Variants in TENM2 observed in about 807,000 individuals in gnomAD.
TENM2 encodes teneurin transmembrane protein 2.
In TENM2, 52 loss-of-function variants were observed where a neutral mutation model predicts 245.2. The ratio of observed to expected loss-of-function variants is 0.21; its 90% confidence interval spans 0.17 to 0.27. TENM2 has a LOEUF of 0.27. Among genes scored for constraint, TENM2 ranks in the 10% least tolerant of loss-of-function variants. The probability of loss-of-function intolerance (pLI) is 1.00; values close to 1 mark genes in which losing one functional copy is unlikely to be tolerated. For missense variants in TENM2, 3,046 were observed against 3,666.8 expected (o/e 0.83, Z 4.37); for synonymous variants, 1,363 against 1,438.9 (o/e 0.95, Z 1.19).
At chr5:167,765,852 C>G (rs145549281) in intron 2 of TENM2, among the ~76,000 whole-genome samples, 2 of 152,234 alleles carry the variant, frequency 1.3e-5, no homozygotes, top group Non-Finnish European at 2.9e-5. Context: ...GTGCCTGCTA[C>G]CATATACTCT....
chr5:167,647,891 C>T (rs1453134389), intron 2 of TENM2, among the ~76,000 whole-genome samples: 4 of 152,160 alleles, frequency 2.6e-5, no homozygotes, highest in African/African-American at 9.7e-5. Flanking sequence ...TTATCTCCTA[C>T]GTTCAATCTT....
the TENM2 span, among the ~76,000 whole-genome samples, chr5:167,187,031 C>T: frequency 6.6e-6 from 1 of 152,200 alleles, no homozygotes; most frequent in Non-Finnish European, 1.5e-5. Context: ...TCTTCAGACA[C>T]ACAGTTGTCA....
chr5:167,862,693 C>T (rs573220138), intron 2 of TENM2, among the ~76,000 whole-genome samples: 1 of 152,266 alleles, frequency 6.6e-6, no homozygotes, highest in East Asian at 1.9e-4. Context: ...CCTGCCTCTG[C>T]GGGGCCTGAA....
chr5:167,583,777 C>T (rs1409662776), intron 2 of TENM2, among the ~76,000 whole-genome samples: 1 of 152,166 alleles, frequency 6.6e-6, no homozygotes, highest in Non-Finnish European at 1.5e-5. Context: ...GAGCCTCTAC[C>T]TCTGCTCTCC....
intron 2 of TENM2, among the ~76,000 whole-genome samples, chr5:167,677,664 C>A (rs2609857): frequency 1.3e-4 from 19 of 150,162 alleles, no homozygotes; most frequent in Non-Finnish European, 2.4e-4. Flanking sequence ...GTGGTTTTGG[C>A]GACCATTTAG....
At chr5:167,679,483 A>G (rs1477681233) in intron 2 of TENM2, among the ~76,000 whole-genome samples, 1 of 152,132 alleles carries the variant, frequency 6.6e-6, no homozygotes, top group Non-Finnish European at 1.5e-5. Context: ...TTCACTTTAG[A>G]TTAGGAGTAA....
At chr5:167,181,692 A>C in the TENM2 span, among the ~76,000 whole-genome samples, 3 of 152,292 alleles carry the variant, frequency 2.0e-5, no homozygotes, top group South Asian at 2.1e-4. Context: ...AAAATATTAA[A>C]ATTTTACATG....
chr5:168,140,586 G>A (rs556438423), intron 12 of TENM2, among the ~76,000 whole-genome samples: 7 of 152,276 alleles, frequency 4.6e-5, no homozygotes, highest in African/African-American at 1.4e-4. Context: ...AGCATACCCA[G>A]CCCGGTACAT....
At chr5:167,996,197 G>A (rs1784036282) in intron 5 of TENM2, among the ~76,000 whole-genome samples, 1 of 152,122 alleles carries the variant, frequency 6.6e-6, no homozygotes, top group Admixed American at 6.5e-5. Context: ...AGGCCCGTGG[G>A]CGGGTGTAAA....
intron 2 of TENM2, among the ~76,000 whole-genome samples, chr5:167,479,505 G>A (rs986695040): frequency 7.2e-5 from 11 of 152,010 alleles, no homozygotes; most frequent in Non-Finnish European, 1.3e-4. Flanking sequence ...ACACTGTCAA[G>A]TTTATAGTCT....
chr5:167,427,775 G>T (rs13185808), intron 2 of TENM2, among the ~76,000 whole-genome samples: 1,074 of 46,362 alleles, frequency 0.023, 2 homozygotes, highest in Admixed American at 0.028. Flanking sequence ...GGAAGGACGG[G>T]AAGGAAGGGA....
At chr5:167,691,196 C>T (rs185719771) in intron 2 of TENM2, among the ~76,000 whole-genome samples, 77 of 152,250 alleles carry the variant, frequency 5.1e-4, no homozygotes, top group African/African-American at 1.8e-3. Flanking sequence ...TATATTCTGT[C>T]TCACACACTT....
At chr5:168,173,207 G>A (rs1184047619) in intron 13 of TENM2, among the ~76,000 whole-genome samples, 1 of 152,120 alleles carries the variant, frequency 6.6e-6, no homozygotes, top group African/African-American at 2.4e-5. Flanking sequence ...ATGCAAAAAG[G>A]CTAAACTATA....
At chr5:167,953,795 A>G (rs890001526) in intron 4 of TENM2, among the ~76,000 whole-genome samples, 1 of 152,322 alleles carries the variant, frequency 6.6e-6, no homozygotes, top group Non-Finnish European at 1.5e-5. Flanking sequence ...AATGTTTCTG[A>G]TAATGGCCAG....
At chr5:167,535,234 G>A (rs1771774164) in intron 2 of TENM2, among the ~76,000 whole-genome samples, 1 of 151,916 alleles carries the variant, frequency 6.6e-6, no homozygotes, top group Admixed American at 6.6e-5. Flanking sequence ...TGTAACAGAG[G>A]TAGGAGGTTA....
At chr5:167,550,176 TA>T (rs1180819222) in intron 2 of TENM2, among the ~76,000 whole-genome samples, 2 of 152,218 alleles carry the variant, frequency 1.3e-5, no homozygotes, top group African/African-American at 2.4e-5. Context: ...TGTCACAAGA[TA>T]TTTAATTTCT....
intron 7 of TENM2, among the ~76,000 whole-genome samples, chr5:168,074,544 G>A (rs1791295296): frequency 6.6e-6 from 1 of 152,248 alleles, no homozygotes; most frequent in South Asian, 2.1e-4. Flanking sequence ...TCTCTGCTGT[G>A]TCTCCATCAC....
intron 1 of TENM2, among the ~76,000 whole-genome samples, chr5:167,307,645 G>A (rs918605981): frequency 7.2e-5 from 11 of 152,140 alleles, no homozygotes; most frequent in South Asian, 4.1e-4. Context: ...AACTCCCACC[G>A]CCCAGTTCAG....
chr5:167,905,459 G>C (rs1776019921), intron 3 of TENM2, among the ~76,000 whole-genome samples: 2 of 152,174 alleles, frequency 1.3e-5, no homozygotes, highest in African/African-American at 2.4e-5. Flanking sequence ...GCTGTCAGTA[G>C]CTGGGCTAAG....
Sources: allele counts gnomAD v4.1 joint callset (sites outside exome capture counted in the v4.1 genomes callset), GRCh38; gene constraint gnomAD v4.1.1; transcripts MANE v1.5; gene names NCBI Gene and HGNC (gene_info 2026-07-23, HGNC 2026-07-21).